Variants in EDIL3 observed in about 807,000 individuals in gnomAD.
The protein encoded by EDIL3 is EGF-like repeat and discoidin I-like domain-containing protein 3.
Under a neutral mutation model 67.4 loss-of-function variants are expected in EDIL3, and 37 were observed. That is an observed-to-expected ratio of 0.55 (90% CI 0.42 to 0.72). EDIL3 has a LOEUF of 0.72. Among genes scored for constraint, EDIL3 ranks in the 30% least tolerant of loss-of-function variants. The pLI is 0.00. For synonymous variants in EDIL3, 195 were observed against 196.3 expected, an observed-to-expected ratio of 0.99 and a Z score of 0.05; for missense variants, 527 against 586.3, an observed-to-expected ratio of 0.90 and a Z score of 1.04.
intron 3 of EDIL3, among the ~76,000 whole-genome samples, chr5:84,229,085 T>A (rs562926211): frequency 6.6e-6 from 1 of 152,134 alleles, no homozygotes; most frequent in Non-Finnish European, 1.5e-5. Context: ...GTTGCTGGTA[T>A]GTTAGTCTGG....
intron 10 of EDIL3, among the ~76,000 whole-genome samples, chr5:83,952,790 T>C (rs1044594857): frequency 1.3e-5 from 2 of 151,734 alleles, no homozygotes; most frequent in Non-Finnish European, 2.9e-5. Context: ...AGTAGAGAAA[T>C]TGGTGTATTT....
At chr5:84,326,292 A>C (rs1746755231) in intron 1 of EDIL3, among the ~76,000 whole-genome samples, 1 of 152,044 alleles carries the variant, frequency 6.6e-6, no homozygotes, top group Non-Finnish European at 1.5e-5. Context: ...ATTCTGCTAT[A>C]GCAATATAAA....
chr5:83,974,256 G>A (rs924451303), intron 9 of EDIL3, among the ~76,000 whole-genome samples: 2 of 151,648 alleles, frequency 1.3e-5, no homozygotes, highest in African/African-American at 4.8e-5. Context: ...AGTGGAAGGG[G>A]CATGGCCTCT....
intron 9 of EDIL3, among the ~76,000 whole-genome samples, chr5:84,050,875 C>T (rs1215857404): frequency 1.3e-5 from 2 of 152,204 alleles, no homozygotes; most frequent in South Asian, 4.1e-4. Flanking sequence ...TCTGTAGACT[C>T]CACCTCTGGG....
rs79521616 is a variant in EDIL3, at chr5:84,368,501, C to T, written c.67+15807G>A. Among the ~76,000 whole-genome samples, 1,503 of 152,078 alleles carry T rather than the reference C, an allele frequency of 9.9e-3. 12 individuals carry two copies. The highest frequency in any genetic ancestry group is 0.016 in the Non-Finnish European group (1,110 of 67,970). ...AACTCAAAATAGATCAAATATAAAT[C>T]TAAGATCTAAAACTTCAAAACTCTG... On this transcript the variant is annotated intron_variant, in intron 1 of 10. Coordinates refer to ENST00000296591, the MANE Select transcript of EDIL3 (RefSeq NM_005711.5).
chr5:84,016,304 T>C (rs1357926406), intron 9 of EDIL3, among the ~76,000 whole-genome samples: 1 of 152,200 alleles, frequency 6.6e-6, no homozygotes, highest in African/African-American at 2.4e-5. Flanking sequence ...TGAGTAAATC[T>C]AGTTTATCGT....
chr5:84,215,894 A>C (rs1275190440), intron 3 of EDIL3, among the ~76,000 whole-genome samples: 1 of 152,206 alleles, frequency 6.6e-6, no homozygotes, highest in African/African-American at 2.4e-5. Context: ...TAAAGTTTCT[A>C]TCCTAATTTT....
At chr5:84,189,351 G>A (rs1743530549) in intron 3 of EDIL3, among the ~76,000 whole-genome samples, 1 of 151,982 alleles carries the variant, frequency 6.6e-6, no homozygotes, top group Non-Finnish European at 1.5e-5. Context: ...CTATTGTTTA[G>A]AGTTGGGCTT....
intron 1 of EDIL3, among the ~76,000 whole-genome samples, chr5:84,345,934 G>A (rs1047176934): frequency 1.3e-5 from 2 of 152,034 alleles, no homozygotes; most frequent in African/African-American, 4.8e-5. Context: ...ACACAACAAT[G>A]TTTTCCAAAC....
intron 9 of EDIL3, among the ~76,000 whole-genome samples, chr5:83,983,115 T>TTA (rs1561393366): frequency 1.3e-5 from 2 of 152,156 alleles, no homozygotes; most frequent in African/African-American, 4.8e-5. Flanking sequence ...TGAACTAGTA[T>TTA]GGGTTTTAGT....
At chr5:84,359,357 A>G (rs115327044) in intron 1 of EDIL3, among the ~76,000 whole-genome samples, 6 of 152,240 alleles carry the variant, frequency 3.9e-5, no homozygotes, top group African/African-American at 1.4e-4. Flanking sequence ...TTATTACAAC[A>G]TATTACTAAT....
At chr5:83,972,193 T>C (rs980242667) in intron 9 of EDIL3, among the ~76,000 whole-genome samples, 7 of 152,144 alleles carry the variant, frequency 4.6e-5, no homozygotes, top group Admixed American at 2.0e-4. Context: ...CTATTCATCT[T>C]TGTCACATTT....
intron 1 of EDIL3, among the ~76,000 whole-genome samples, chr5:84,271,107 T>C (rs1374528723): frequency 6.6e-6 from 1 of 152,188 alleles, no homozygotes; most frequent in Non-Finnish European, 1.5e-5. Context: ...AGAAGAGAAA[T>C]AGACCTAATT....
chr5:84,378,048 T>A (rs1748002546), intron 1 of EDIL3, among the ~76,000 whole-genome samples: 1 of 152,252 alleles, frequency 6.6e-6, no homozygotes, highest in Admixed American at 6.5e-5. Context: ...TTGTAAGGTC[T>A]ACTTCTTTTT....
At chr5:84,250,058 T>G (rs970183012) in intron 2 of EDIL3, among the ~76,000 whole-genome samples, 18 of 152,352 alleles carry the variant, frequency 1.2e-4, no homozygotes, top group African/African-American at 4.1e-4. Flanking sequence ...GGAAGCAATT[T>G]GCGGCTTAGC....
At chr5:84,051,779 A>C (rs1247408257) in intron 9 of EDIL3, among the ~76,000 whole-genome samples, 2 of 152,234 alleles carry the variant, frequency 1.3e-5, no homozygotes, top group Non-Finnish European at 2.9e-5. Flanking sequence ...AAAAGAAACG[A>C]ACAAAGCCTC....
At chr5:84,337,589 C>T (rs984056879) in intron 1 of EDIL3, among the ~76,000 whole-genome samples, 1 of 152,062 alleles carries the variant, frequency 6.6e-6, no homozygotes, top group African/African-American at 2.4e-5. Context: ...AGCACATATA[C>T]ATAGAATATG....
intron 9 of EDIL3, among the ~76,000 whole-genome samples, chr5:84,037,107 C>T (rs1746036150): frequency 6.6e-6 from 1 of 152,068 alleles, no homozygotes; most frequent in Non-Finnish European, 1.5e-5. Context: ...CAAGGTATGC[C>T]CCAGCATCAC....
At chr5:83,977,963 T>C (rs540663922) in intron 9 of EDIL3, among the ~76,000 whole-genome samples, 9 of 151,964 alleles carry the variant, frequency 5.9e-5, no homozygotes, top group South Asian at 4.1e-4. Flanking sequence ...TCAAATCAGA[T>C]AGCAGGTATC....
Sources: allele counts gnomAD v4.1 joint callset (sites outside exome capture counted in the v4.1 genomes callset), GRCh38; gene constraint gnomAD v4.1.1; transcripts MANE v1.5; gene names NCBI Gene and HGNC (gene_info 2026-07-23, HGNC 2026-07-21).